Variants in GALNT11 observed in about 807,000 individuals in gnomAD.
The protein encoded by GALNT11 is polypeptide N-acetylgalactosaminyltransferase 11, also known as UDP-GalNAc:polypeptide N-acetylgalactosaminyltransferase 11.
A neutral mutation model predicts 72.7 loss-of-function variants in GALNT11; 47 were observed. The ratio of observed to expected loss-of-function variants is 0.65; its 90% confidence interval spans 0.51 to 0.82. GALNT11 has a LOEUF of 0.82. Ranked by LOEUF, GALNT11 falls within the 40% of genes least tolerant of loss-of-function variation. GALNT11 has a pLI of 0.00. For missense variants in GALNT11, 677 were observed against 778.4 expected, an observed-to-expected ratio of 0.87 and a Z score of 1.55; for synonymous variants, 270 against 286.6, an observed-to-expected ratio of 0.94 and a Z score of 0.58.
chr7:152,083,257 T>C (rs1292074634), intron 1 of GALNT11, among the ~76,000 whole-genome samples: 1 of 152,176 alleles, frequency 6.6e-6, no homozygotes, highest in Non-Finnish European at 1.5e-5. Flanking sequence ...TCCCAGATAA[T>C]AGAGGAATTT....
intron 2 of GALNT11, among the ~76,000 whole-genome samples, chr7:152,098,615 G>C (rs1425008954): frequency 1.3e-5 from 2 of 152,086 alleles, no homozygotes; most frequent in Non-Finnish European, 2.9e-5. Context: ...CTTTTCAAGA[G>C]ACCTATAATA....
chr7:152,050,584 G>T (rs929482893), intron 1 of GALNT11, among the ~76,000 whole-genome samples: 1 of 152,188 alleles, frequency 6.6e-6, no homozygotes, highest in African/African-American at 2.4e-5. Flanking sequence ...GCACTGCCTG[G>T]GGTTGAGGGA....
chr7:152,111,546 C>T (rs1467988326), intron 7 of GALNT11, among the ~76,000 whole-genome samples: 1 of 152,030 alleles, frequency 6.6e-6, no homozygotes, highest in Non-Finnish European at 1.5e-5. Context: ...GCACATTGTA[C>T]CCAACAGGTA....
chr7:152,071,302 A>G (rs1296309115), intron 1 of GALNT11, among the ~76,000 whole-genome samples: 1 of 152,156 alleles, frequency 6.6e-6, no homozygotes, highest in Non-Finnish European at 1.5e-5. Flanking sequence ...GCTGTTTATA[A>G]GCGTATACCT....
At chr7:152,099,955 T>C in intron 2 of GALNT11, among the ~76,000 whole-genome samples, 1 of 143,482 alleles carries the variant, frequency 7.0e-6, no homozygotes, top group Non-Finnish European at 1.6e-5. Flanking sequence ...TAATTTTTTT[T>C]TTTTTTTTTT....
At chr7:152,116,022 C>T (rs145453691) in intron 8 of GALNT11, among the ~76,000 whole-genome samples, 152 of 152,242 alleles carry the variant, frequency 1.0e-3, no homozygotes, top group African/African-American at 3.5e-3. Flanking sequence ...TGCCATTGTA[C>T]TCCAGCCTGG....
At chr7:152,072,544 A>G (rs912698096) in intron 1 of GALNT11, among the ~76,000 whole-genome samples, 1 of 152,244 alleles carries the variant, frequency 6.6e-6, no homozygotes, top group Admixed American at 6.5e-5. Flanking sequence ...TCACAGGCAC[A>G]TAATACATTT....
At chr7:152,056,582 C>T (rs2083689667) in intron 1 of GALNT11, among the ~76,000 whole-genome samples, 1 of 152,126 alleles carries the variant, frequency 6.6e-6, no homozygotes, top group Non-Finnish European at 1.5e-5. Context: ...TACCTAGAGA[C>T]TACATTGTAA....
At chr7:152,054,579 A>G (rs1030665785) in intron 1 of GALNT11, among the ~76,000 whole-genome samples, 2 of 139,174 alleles carry the variant, frequency 1.4e-5, no homozygotes, top group Non-Finnish European at 3.0e-5. Context: ...GGCTATGGTC[A>G]TGGCTTACTG....
intron 1 of GALNT11, among the ~76,000 whole-genome samples, chr7:152,091,808 C>T (rs2086057732): frequency 6.6e-6 from 1 of 152,188 alleles, no homozygotes; most frequent in Admixed American, 6.5e-5. Context: ...CTAACCAAGA[C>T]ATTTGGAGGC....
Position 152,105,290 on chromosome 7 carries a change from C to G in GALNT11, c.632C>G (p.Pro211Arg), listed in dbSNP as rs1198570367. The part of the protein sequence containing the change: ...ELDEYVQKYL[P>R]GKIKVIRNTK... ...GATGAATATGTCCAAAAATACCTCC[C>G]TGGAAAAATTAAAGTCATAAGAAAT... The change falls in exon 5 of 12, where the codon CCT becomes CGT. Residue 211 changes from proline to arginine, a missense_variant. Pro to Arg is a moderately radical substitution (Grantham distance 103). Transcript: ENST00000430044. The G allele has an allele frequency of 6.2e-7, 1 of 1,613,738 alleles. No homozygotes were observed. The highest frequency in any genetic ancestry group is 1.3e-5 in the African/African-American group (1 of 74,896).
intron 1 of GALNT11, among the ~76,000 whole-genome samples, chr7:152,067,529 A>G (rs889258652): frequency 1.3e-5 from 2 of 152,218 alleles, no homozygotes; most frequent in African/African-American, 4.8e-5. Flanking sequence ...AGCTACGGCT[A>G]TTACGAGCTC....
At chr7:152,107,713 T>G in intron 5 of GALNT11, 1 of 209,698 alleles carries the variant, frequency 4.8e-6, no homozygotes, top group Non-Finnish European at 9.7e-6. Context: ...ATATCTGGGC[T>G]TCCAAAGAGT....
chr7:152,038,481 C>G (rs996134441), intron 1 of GALNT11, among the ~76,000 whole-genome samples: 1 of 152,152 alleles, frequency 6.6e-6, no homozygotes, highest in Non-Finnish European at 1.5e-5. Context: ...TGTTCCTTGC[C>G]CTCATTCCGG....
At chr7:152,028,051 C>T (rs775689038) in intron 1 of GALNT11, among the ~76,000 whole-genome samples, 2 of 152,184 alleles carry the variant, frequency 1.3e-5, no homozygotes, top group South Asian at 2.1e-4. Flanking sequence ...AGCCACAGAC[C>T]TTCACAGTCA....
At chr7:152,066,275 A>C (rs2129004253) in intron 1 of GALNT11, among the ~76,000 whole-genome samples, 1 of 152,334 alleles carries the variant, frequency 6.6e-6, no homozygotes, top group East Asian at 1.9e-4. Context: ...CCATTTGCTA[A>C]GACCATTGGA....
chr7:152,063,171 A>C (rs1176074291), intron 1 of GALNT11, among the ~76,000 whole-genome samples: 1 of 152,160 alleles, frequency 6.6e-6, no homozygotes, highest in Non-Finnish European at 1.5e-5. Context: ...CAGGGATTCA[A>C]CTTCTTCCTG....
chr7:152,087,633 T>G lies in GALNT11; in HGVS notation c.-38-6557T>G, dbSNP rs529687859. On this transcript the variant is annotated intron_variant, in intron 1 of 11. Transcript: ENST00000430044. ...TGTTCAGTTTTTACTATATTCATCC[T>G]ATAGATACTTTTCAGCACTTTCTGT... Among the ~76,000 whole-genome samples, 3 of 152,370 alleles carry G rather than the reference T, an allele frequency of 2.0e-5. No individual in the cohort carries two copies. In the East Asian group the frequency reaches 5.8e-4, roughly 29 times the overall value.
At chr7:152,060,274 C>G (rs1300842446) in intron 1 of GALNT11, among the ~76,000 whole-genome samples, 2 of 152,352 alleles carry the variant, frequency 1.3e-5, no homozygotes, top group East Asian at 1.9e-4. Flanking sequence ...GATCTTCTAT[C>G]TGGAGCACTA....
Sources: allele counts gnomAD v4.1 joint callset (sites outside exome capture counted in the v4.1 genomes callset), GRCh38; gene constraint gnomAD v4.1.1; transcripts MANE v1.5; gene names NCBI Gene and HGNC (gene_info 2026-07-23, HGNC 2026-07-21).